The following DPYSL3 variants were observed in gnomAD, a reference collection of about 807,000 sequenced individuals.
The protein encoded by DPYSL3 is dihydropyrimidinase like 3.
A neutral mutation model predicts 66.1 loss-of-function variants in DPYSL3; 16 were observed. The ratio of observed to expected loss-of-function variants is 0.24; its 90% CI spans 0.16 to 0.37. The LOEUF is 0.37. Among genes scored for constraint, DPYSL3 ranks in the 10% least tolerant of loss-of-function variants. DPYSL3 has a pLI of 1.00. For missense variants in DPYSL3, 738 were observed against 916.2 expected (o/e 0.81, Z 2.51); for synonymous variants, 338 against 345.1 (o/e 0.98, Z 0.23).
At chr5:147,412,200 CCA>C in intron 6 of DPYSL3, among the ~76,000 whole-genome samples, 1 of 152,212 alleles carries the variant, frequency 6.6e-6, no homozygotes, top group Middle Eastern at 3.2e-3. Flanking sequence ...GCTATGAGTT[CCA>C]CAGACTTGGA....
intron 1 of DPYSL3, among the ~76,000 whole-genome samples, chr5:147,443,835 T>A (rs189615386): frequency 6.6e-6 from 1 of 152,154 alleles, no homozygotes; most frequent in African/African-American, 2.4e-5. Context: ...GTGGTGGGAA[T>A]CTCCCTGGCA....
intron 1 of DPYSL3, among the ~76,000 whole-genome samples, chr5:147,431,086 G>C (rs1021238120): frequency 2.0e-5 from 3 of 152,068 alleles, no homozygotes; most frequent in Non-Finnish European, 4.4e-5. Flanking sequence ...ATTCCCATTT[G>C]GGCAATTAGA....
chr5:147,467,902 T>G (rs1220831914), intron 1 of DPYSL3, among the ~76,000 whole-genome samples: 1 of 152,178 alleles, frequency 6.6e-6, no homozygotes, highest in Non-Finnish European at 1.5e-5. Context: ...GATGGTGCCT[T>G]CTAGGTCCTC....
chr5:147,459,297 GA>G (rs1224804631), intron 1 of DPYSL3, among the ~76,000 whole-genome samples: 1 of 151,378 alleles, frequency 6.6e-6, no homozygotes, highest in Non-Finnish European at 1.5e-5. Flanking sequence ...GAAAAATTCA[GA>G]AAAAAAAGTT....
chr5:147,453,410 TCCG>T, intron 1 of DPYSL3: 1 of 1,299,658 alleles, frequency 7.7e-7, no homozygotes, highest in Non-Finnish European at 1.0e-6. Context: ...ACCGCCGCGC[TCCG>T]CCACCCGGAC....
chr5:147,493,455 C>T (rs1216964055), intron 1 of DPYSL3, among the ~76,000 whole-genome samples: 2 of 152,026 alleles, frequency 1.3e-5, no homozygotes, highest in African/African-American at 2.4e-5. Context: ...CACGTGTGGT[C>T]CCATCTACTC....
intron 1 of DPYSL3, among the ~76,000 whole-genome samples, chr5:147,431,871 G>C (rs1752322590): frequency 6.6e-6 from 1 of 152,148 alleles, no homozygotes; most frequent in Non-Finnish European, 1.5e-5. Flanking sequence ...GGACTGTAGA[G>C]AGGGCAGTAA....
intron 2 of DPYSL3, among the ~76,000 whole-genome samples, chr5:147,420,236 T>C (rs1752051560): frequency 6.6e-6 from 1 of 152,206 alleles, no homozygotes; most frequent in African/African-American, 2.4e-5. Context: ...TTCTTTCCTC[T>C]GTAAAATGTA....
At chr5:147,464,862 G>T (rs1752988040) in intron 1 of DPYSL3, among the ~76,000 whole-genome samples, 1 of 152,140 alleles carries the variant, frequency 6.6e-6, no homozygotes, top group African/African-American at 2.4e-5. Flanking sequence ...CAAGAGAAGA[G>T]ACCCTAAATC....
Position 147,418,502 on chromosome 5 carries a change from T to A in DPYSL3, c.600A>T (p.Val200=). ...FQMPYKGMTT[V]DDFFQGTKAA... is the part of the protein sequence containing the mutation. ...CCTTTGTCCCTTGGAAGAAGTCATC[T>A]ACTGTGGTCATTCCCTTATATGGCA... The change falls in exon 3 of 14, where the codon GTA becomes GTT. Residue 200 remains valine (V), a synonymous_variant. Transcript: ENST00000343218. The A allele has an allele frequency of 6.2e-7, 1 of 1,613,664 alleles. No homozygotes were observed. The highest frequency in any genetic ancestry group is 8.5e-7 in the Non-Finnish European group (1 of 1,179,740).
At chr5:147,456,273 C>G (rs564372579) in intron 1 of DPYSL3, among the ~76,000 whole-genome samples, 1 of 152,178 alleles carries the variant, frequency 6.6e-6, no homozygotes, top group East Asian at 1.9e-4. Flanking sequence ...AGAATGGAAC[C>G]AGTATGGATG....
chr5:147,451,753 G>T (rs993156935), intron 1 of DPYSL3, among the ~76,000 whole-genome samples: 2 of 152,228 alleles, frequency 1.3e-5, no homozygotes, highest in African/African-American at 4.8e-5. Flanking sequence ...CATGAGAGCT[G>T]TGGTTCAATC....
chr5:147,509,902 G>T lies in DPYSL3; in HGVS notation c.-44C>A. On this transcript the variant is annotated 5_prime_UTR_variant, in exon 1 of 14. Transcript: ENST00000343218. The surrounding 1 kb of genome is among the most constrained non-coding windows in gnomAD (Gnocchi z 5.3). ...GCCCGCGGGTTTTTCTTCCCCAGAGGCGGAAAGGGCAGCCGCCGGCAGCGT... is the reference window on the plus strand; with the variant it reads ...GCCCGCGGGTTTTTCTTCCCCAGAGTCGGAAAGGGCAGCCGCCGGCAGCGT... 3.4e-6 allele frequency: 5 copies of T among 1,471,428 alleles called. No individual in the cohort carries two copies. The highest frequency in any genetic ancestry group is 4.5e-6 in the Non-Finnish European group (5 of 1,113,084). The allele number at this position is 1,471,428 out of a possible 1,614,324, so 91.1% of individuals were successfully genotyped here. A position where few individuals can be genotyped will look rare whatever the true frequency, so the allele number is the denominator to read the frequency against.
In DPYSL3 at chr5:147,397,780, C is replaced by T; in HGVS notation, c.1689G>A (p.Gln563=). The T allele has an allele frequency of 1.2e-6, 2 of 1,614,154 alleles. No homozygotes were observed. The highest frequency in any genetic ancestry group is 1.7e-6 in the Non-Finnish European group (2 of 1,180,026). Residue 563 remains glutamine (Q), a synonymous_variant, in exon 12 of 14, where the codon CAG becomes CAA. Coordinates refer to ENST00000343218, the MANE Select transcript of DPYSL3 (RefSeq NM_001197294.2). ...TGCCATCTTCCAGCATGATCTTGCC[C>T]TGGCAGATGACAACCAGAGGAGCCC... ...LRGAPLVVIC[Q]GKIMLEDGNL...
intron 1 of DPYSL3, among the ~76,000 whole-genome samples, chr5:147,488,072 A>G (rs1753362486): frequency 6.6e-6 from 1 of 152,052 alleles, no homozygotes; most frequent in Admixed American, 6.5e-5. Context: ...ACAACTTTCC[A>G]TTTCATTGGT....
At chr5:147,417,790 A>C (rs1182458539) in intron 3 of DPYSL3, among the ~76,000 whole-genome samples, 1 of 152,200 alleles carries the variant, frequency 6.6e-6, no homozygotes, top group Non-Finnish European at 1.5e-5. Flanking sequence ...CCACTCCTAC[A>C]GCTTGCCAAA....
intron 2 of DPYSL3, among the ~76,000 whole-genome samples, chr5:147,418,933 T>C (rs564159801): frequency 6.6e-6 from 1 of 152,348 alleles, no homozygotes; most frequent in African/African-American, 2.4e-5. Flanking sequence ...ACTTTTTTCA[T>C]ATAAATATTT....
At chr5:147,475,371 C>A (rs1470979990) in intron 1 of DPYSL3, among the ~76,000 whole-genome samples, 5 of 151,978 alleles carry the variant, frequency 3.3e-5, no homozygotes, top group Non-Finnish European at 7.4e-5. Flanking sequence ...TTTGTTATTT[C>A]TTGTGAGTCT....
intron 1 of DPYSL3, among the ~76,000 whole-genome samples, chr5:147,468,707 T>A (rs10075216): frequency 0.47 from 70,256 of 150,078 alleles, 16,757 homozygotes; most frequent in Non-Finnish European, 0.5. Context: ...AACTTAATAA[T>A]TTTTTTTCTT....
Sources: allele counts gnomAD v4.1 joint callset (sites outside exome capture counted in the v4.1 genomes callset), GRCh38; gene constraint gnomAD v4.1.1; non-coding constraint Gnocchi (gnomAD v3.1); transcripts MANE v1.5; gene names NCBI Gene and HGNC (gene_info 2026-07-23, HGNC 2026-07-21).